MS4A6A: variants seen among roughly 807,000 people sequenced by gnomAD.
The protein encoded by MS4A6A is membrane spanning 4-domains A6A.
In MS4A6A, 19 loss-of-function variants were observed where a neutral mutation model predicts 20.6. The ratio of observed to expected loss-of-function variants is 0.92; its 90% confidence interval spans 0.64 to 1.36. MS4A6A has a LOEUF of 1.36. MS4A6A is among the 40% of genes most tolerant of loss of function. The pLI, the probability that MS4A6A is intolerant of heterozygous loss-of-function variation, is 0.00. For missense variants in MS4A6A, 272 were observed against 261.1 expected (o/e 1.04, Z -0.29); for synonymous variants, 108 against 105.0 (o/e 1.03, Z -0.17).
chr11:60,178,236 G>A (rs770534321), intron 4 of MS4A6A, 24 bp downstream of exon 4: 28 of 1,597,466 alleles, frequency 1.8e-5, no homozygotes, highest in Non-Finnish European at 1.9e-5. Context: ...CCATTGGGTT[G>A]TGGGTTATAG....
At chr11:60,183,311 T>G, upstream of MS4A6A, 1 of 784,026 alleles carries the variant, frequency 1.3e-6, no homozygotes, top group Middle Eastern at 2.3e-4. Flanking sequence ...AAGTCTGTTC[T>G]TGAAGCTTCA....
chr11:60,175,630 G>T lies in MS4A6A; in HGVS notation c.340-19C>A, dbSNP rs760936397. 1.2e-6 allele frequency: 2 copies of T among 1,610,184 alleles called. No individual in the cohort carries two copies. Among genetic ancestry groups the T allele is most frequent in the Non-Finnish European group, 1.7e-6 (2 of 1,177,822 alleles). On this transcript the variant is annotated intron_variant, in intron 4 of 5. Coordinates refer to ENST00000528851, the MANE Select transcript of MS4A6A (RefSeq NM_022349.4). ...TATGCACCTGAAAGAGAAATGTTGGGTAAGGATCATTGCTAATGACTCATG... is the reference window on the plus strand; with the variant it reads ...TATGCACCTGAAAGAGAAATGTTGGTTAAGGATCATTGCTAATGACTCATG...
At chr11:60,177,999 T>A in intron 4 of MS4A6A, 1 of 421,374 alleles carries the variant, frequency 2.4e-6, no homozygotes, top group East Asian at 4.4e-5. Context: ...AGGCACAATT[T>A]CTCTGTGATA....
At chr11:60,182,954 GAA>G in intron 1 of MS4A6A, 22 bp downstream of exon 1, 1 of 1,340,338 alleles carries the variant, frequency 7.5e-7, no homozygotes, top group Middle Eastern at 1.9e-4. Flanking sequence ...AGTGAGATGA[GAA>G]AAGTCTTCCA....
In MS4A6A at chr11:60,175,546, C is replaced by T. The variant is rs938546718; in HGVS notation, c.405G>A (p.Leu135=). 6.2e-7 allele frequency: 1 copy of T among 1,614,122 alleles called. No homozygotes were observed. Among genetic ancestry groups the T allele is most frequent in the South Asian group, 1.1e-5 (1 of 91,082 alleles). ...GATTTAAGGTGGCCTGTTTGACAGA[C>T]AGGATAATGAAACCCACCAGGGCAG... ...ALSALVGFII[L]SVKQATLNPA... The change falls in exon 5 of 6, where the codon CTG becomes CTA. Residue 135 remains leucine (L), a synonymous_variant. Transcript: ENST00000528851.
At chr11:60,180,772 C>T (rs1320401912) in intron 2 of MS4A6A, 7 of 287,494 alleles carry the variant, frequency 2.4e-5, no homozygotes. Context: ...ACTGCATGTT[C>T]TCATGTATAA....
chr11:60,176,371 T>C (rs1856837329), intron 4 of MS4A6A, among the ~76,000 whole-genome samples: 1 of 152,228 alleles, frequency 6.6e-6, no homozygotes, highest in Non-Finnish European at 1.5e-5. Flanking sequence ...CTTGCCTTGG[T>C]TTATTCCCTT....
downstream of MS4A6A, chr11:60,172,098 G>C: frequency 6.5e-7 from 1 of 1,530,940 alleles, no homozygotes; most frequent in Non-Finnish European, 8.9e-7. Context: ...TTCTATAATG[G>C]TTAACTTTTC....
chr11:60,172,744 A>T lies in MS4A6A; in HGVS notation c.*257T>A, dbSNP rs116638040. On this transcript the variant is annotated 3_prime_UTR_variant, in exon 6 of 6. Transcript: ENST00000528851. Reference sequence around the variant, plus strand: ...CTCATAGCATAATGCCAGGCCAGTCATTTAACTTCCCAGAGTCTCATTCCC... The same window carrying T: ...CTCATAGCATAATGCCAGGCCAGTCTTTTAACTTCCCAGAGTCTCATTCCC... 2.9e-3 allele frequency: 3,621 copies of T among 1,262,382 alleles called. 91 individuals carry two copies. In the African/African-American group the frequency reaches 0.05, roughly 18 times the overall value. The allele number at this position is 1,262,382 out of a possible 1,614,324, so 78.2% of individuals were successfully genotyped here.
chr11:60,175,844 G>A (rs1269235616), intron 4 of MS4A6A, among the ~76,000 whole-genome samples: 2 of 152,140 alleles, frequency 1.3e-5, no homozygotes, highest in Non-Finnish European at 2.9e-5. Context: ...GACCTCAGTG[G>A]TGTGGTAGAG....
chr11:60,181,679 T>C lies in MS4A6A; in HGVS notation c.49A>G (p.Asn17Asp). The C allele has an allele frequency of 6.2e-7, 1 of 1,614,100 alleles. No individual in the cohort carries two copies. Among genetic ancestry groups the C allele is most frequent in the Non-Finnish European group, 8.5e-7 (1 of 1,179,994 alleles). Reference sequence around the variant, plus strand: ...TCTGCTTGGGAGAAGTTGATGACATTTGATGGGAGCACTATGATGGTCTCA... The same window carrying C: ...TCTGCTTGGGAGAAGTTGATGACATCTGATGGGAGCACTATGATGGTCTCA... ...PNETIIVLPS[N>D]VINFSQAEKP... Residue 17 changes from asparagine (N) to aspartate (D), a missense_variant, in exon 2 of 6, where the codon AAT (asparagine) becomes GAT (aspartate). Coordinates refer to ENST00000528851, the MANE Select transcript of MS4A6A (RefSeq NM_022349.4).
chr11:60,179,704 A>C, intron 3 of MS4A6A, 127 bp downstream of exon 3: 1 of 1,076,538 alleles, frequency 9.3e-7, no homozygotes, highest in South Asian at 1.3e-5. Context: ...ACAGGAGAAC[A>C]AGATTCACCG....
intron 2 of MS4A6A, 66 bp downstream of exon 2, chr11:60,181,515 C>T: frequency 1.3e-6 from 2 of 1,593,246 alleles, no homozygotes; most frequent in Non-Finnish European, 1.7e-6. Context: ...TGTCCAGTCC[C>T]AAGACATATA....
chr11:60,173,687 T>A (rs1856696139), intron 5 of MS4A6A, among the ~76,000 whole-genome samples: 1 of 152,260 alleles, frequency 6.6e-6, no homozygotes, highest in Non-Finnish European at 1.5e-5. Flanking sequence ...CCTTTGTATT[T>A]CTTCTTGATT....
chr11:60,172,803 A>T lies in MS4A6A; in HGVS notation c.*198T>A, dbSNP rs1385180625. 1 of 1,362,846 alleles carries T rather than the reference A, an allele frequency of 7.3e-7. No homozygotes were observed. The highest frequency in any genetic ancestry group is 9.5e-7 in the Non-Finnish European group (1 of 1,052,762). The allele number at this position is 1,362,846 out of a possible 1,614,324, so 84.4% of individuals were successfully genotyped here. A position where few individuals can be genotyped will look rare whatever the true frequency, so the allele number is the denominator to read the frequency against. ...CAAAATAGGAAGATTGAATCAGTTG[A>T]TTTCTCATGATTAACTATTTTCATA... On this transcript the variant is annotated 3_prime_UTR_variant, in exon 6 of 6. Coordinates refer to ENST00000528851, the MANE Select transcript of MS4A6A (RefSeq NM_022349.4).
chr11:60,179,397 G>A (rs1471284017), intron 3 of MS4A6A: 2 of 429,482 alleles, frequency 4.7e-6, no homozygotes, highest in African/African-American at 4.0e-5. Context: ...AATGCTCAGA[G>A]GTGTAAGTTC....
chr11:60,175,742 T>C, intron 4 of MS4A6A, 131 bp from the exon 5 acceptor site: 1 of 914,628 alleles, frequency 1.1e-6, no homozygotes, highest in Non-Finnish European at 1.6e-6. Context: ...TTTATTGCTG[T>C]ATGCCTCTCC....
chr11:60,172,720 T>G lies in MS4A6A; in HGVS notation c.*281A>C, dbSNP rs759707054. 1 of 1,232,224 alleles carries G rather than the reference T, an allele frequency of 8.1e-7. No individual in the cohort carries two copies. Among genetic ancestry groups the G allele is most frequent in the Non-Finnish European group, 1.0e-6 (1 of 972,250 alleles). The allele number at this position is 1,232,224 out of a possible 1,614,324, so 76.3% of individuals were successfully genotyped here. A position where few individuals can be genotyped will look rare whatever the true frequency, so the allele number is the denominator to read the frequency against. Reference sequence around the variant, plus strand: ...TAGTGTCCTCAGCAAAGGCACAAACTCATAGCATAATGCCAGGCCAGTCAT... The same window carrying G: ...TAGTGTCCTCAGCAAAGGCACAAACGCATAGCATAATGCCAGGCCAGTCAT... On this transcript the variant is annotated 3_prime_UTR_variant, in exon 6 of 6. Transcript: ENST00000528851.
In MS4A6A at chr11:60,178,271, T is replaced by C; in HGVS notation, c.328A>G (p.Thr110Ala). The change falls in exon 4 of 6, where the codon ACC becomes GCC. Residue 110 changes from threonine to alanine, a missense_variant. By Grantham distance (58) the Thr-to-Ala change is moderately conservative. Transcript: ENST00000528851. ...SLSIATEKRL[T>A]KLLVHSSLVG... ...GCTCTCTTACTCACCAAAAGCTTGG[T>C]TAACCTTTTCTCTGTGGCGATTGAT... 1.2e-6 allele frequency: 2 copies of C among 1,613,148 alleles called. No homozygotes were observed. Among genetic ancestry groups the C allele is most frequent in the African/African-American group, 1.3e-5 (1 of 75,010 alleles).
Sources: allele counts gnomAD v4.1 joint callset (sites outside exome capture counted in the v4.1 genomes callset), GRCh38; gene constraint gnomAD v4.1.1; transcripts MANE v1.5; gene names NCBI Gene and HGNC (gene_info 2026-07-23, HGNC 2026-07-21).